The following RGS5 variants were observed in gnomAD, a reference collection of about 807,000 sequenced individuals.
The protein encoded by RGS5 is regulator of G protein signaling 5.
A neutral mutation model predicts 18.9 loss-of-function variants in RGS5; 20 were observed. The observed-to-expected ratio is 1.06, with a 90% CI of 0.74 to 1.54. RGS5 has a LOEUF of 1.54. Ranked by LOEUF, RGS5 falls within the 40% of genes most tolerant of loss-of-function variation. The pLI is 0.00. For synonymous variants in RGS5, 57 were observed against 76.2 expected, an observed-to-expected ratio of 0.75 and a Z score of 1.31; for missense variants, 201 against 211.8, an observed-to-expected ratio of 0.95 and a Z score of 0.32.
chr1:163,176,775 A>C (rs1345771460), intron 1 of RGS5, among the ~76,000 whole-genome samples: 1 of 152,272 alleles, frequency 6.6e-6, no homozygotes, highest in African/African-American at 2.4e-5. Context: ...ACGAAATAAA[A>C]AAGATAAGGT....
At chr1:163,298,450 G>T (rs1649476079) in intron 2 of RGS5, among the ~76,000 whole-genome samples, 1 of 152,144 alleles carries the variant, frequency 6.6e-6, no homozygotes, top group East Asian at 1.9e-4. Flanking sequence ...GATGATAGAA[G>T]TTTTTATAGC....
chr1:163,222,218 T>G (rs1259216968), upstream of RGS5, among the ~76,000 whole-genome samples: 4 of 151,808 alleles, frequency 2.6e-5, no homozygotes, highest in Non-Finnish European at 4.4e-5. Flanking sequence ...GGTGAGTGAG[T>G]ATTATTGCCT....
At position 163,147,358 on chromosome 1, in the gene RGS5, T is replaced by A; in HGVS notation, c.530A>T (p.Gln177Leu). Residue 177 changes from glutamine (Q) to leucine (L), a missense_variant, in exon 5 of 5, where the codon CAG (glutamine) becomes CTG (leucine). By Grantham distance (113) the Gln-to-Leu change is moderately radical (BLOSUM62 -2). Transcript: ENST00000313961. The stretch of plus-strand genomic sequence containing the variant: ...GCTAAATTACTACTTGATTAACTCC[T>A]GATAAAACTCAGAGCGCACAAAGCG... ...LPRFVRSEFY[Q>L]ELIK The A allele has an allele frequency of 3.1e-6, 5 of 1,600,524 alleles. No individual in the cohort carries two copies. The highest frequency in any genetic ancestry group is 4.3e-6 in the Non-Finnish European group (5 of 1,175,196).
At chr1:163,229,181 A>T (rs1378201741) in intron 2 of RGS5, among the ~76,000 whole-genome samples, 1 of 152,174 alleles carries the variant, frequency 6.6e-6, no homozygotes, top group Non-Finnish European at 1.5e-5. Flanking sequence ...GTAATATATA[A>T]AGGAAAGAGG....
chr1:163,310,574 CAAA>C (rs36115669), intron 1 of RGS5, among the ~76,000 whole-genome samples: 6 of 63,596 alleles, frequency 9.4e-5, no homozygotes, highest in African/African-American at 2.6e-4. Flanking sequence ...GACTCCGTCT[CAAA>C]AAAAAAAAAA....
intron 1 of RGS5, among the ~76,000 whole-genome samples, chr1:163,307,434 T>C (rs1488411783): frequency 6.6e-6 from 1 of 152,142 alleles, no homozygotes; most frequent in East Asian, 1.9e-4. Flanking sequence ...AAAGGAAATA[T>C]CAAATCATGT....
chr1:163,244,097 T>G (rs1407382974), intron 2 of RGS5, among the ~76,000 whole-genome samples: 1 of 152,226 alleles, frequency 6.6e-6, no homozygotes, highest in Non-Finnish European at 1.5e-5. Context: ...TTTCTACTAT[T>G]GCCTTTTTCA....
At chr1:163,202,199 C>G (rs1426155838) in intron 1 of RGS5, among the ~76,000 whole-genome samples, 1 of 152,134 alleles carries the variant, frequency 6.6e-6, no homozygotes, top group African/African-American at 2.4e-5. Flanking sequence ...GGGAAATTTC[C>G]TCTTCCTCAC....
intron 2 of RGS5, among the ~76,000 whole-genome samples, chr1:163,223,401 T>C (rs974255475): frequency 4.0e-5 from 6 of 151,620 alleles, no homozygotes; most frequent in South Asian, 2.1e-4. Flanking sequence ...CTGTTAAGGA[T>C]GCTGCTGCTC....
intron 1 of RGS5, among the ~76,000 whole-genome samples, chr1:163,208,125 T>A (rs2101667680): frequency 1.3e-5 from 2 of 151,776 alleles, no homozygotes; most frequent in African/African-American, 4.8e-5. Flanking sequence ...AGACCCCATC[T>A]CTACAAAAAC....
intron 4 of RGS5, among the ~76,000 whole-genome samples, chr1:163,151,645 A>C (rs906137239): frequency 2.0e-5 from 3 of 152,040 alleles, no homozygotes; most frequent in Non-Finnish European, 2.9e-5. Flanking sequence ...CCTTCACTCC[A>C]CTTTTATTCT....
intron 1 of RGS5, among the ~76,000 whole-genome samples, chr1:163,184,906 G>A: frequency 6.6e-6 from 1 of 152,284 alleles, no homozygotes; most frequent in Admixed American, 6.5e-5. Flanking sequence ...GACTAAGCTT[G>A]TGGCAACTGT....
At chr1:163,200,031 C>T (rs1053734299) in intron 1 of RGS5, among the ~76,000 whole-genome samples, 1 of 152,076 alleles carries the variant, frequency 6.6e-6, no homozygotes, top group East Asian at 1.9e-4. Context: ...TCTTAGTAGT[C>T]ATTGAGACTA....
chr1:163,194,967 G>C (rs1659505427), intron 1 of RGS5, among the ~76,000 whole-genome samples: 1 of 152,184 alleles, frequency 6.6e-6, no homozygotes, highest in East Asian at 1.9e-4. Context: ...TGGTAAAAAG[G>C]GAACACTTTT....
chr1:163,257,370 C>T (rs1400693573), intron 2 of RGS5, among the ~76,000 whole-genome samples: 7 of 151,932 alleles, frequency 4.6e-5, no homozygotes, highest in East Asian at 3.9e-4. Context: ...TAGTCAAAGA[C>T]GATTTTTAAG....
chr1:163,319,011 T>C (rs1364488974), intron 1 of RGS5: 3 of 152,172 alleles, frequency 2.0e-5, no homozygotes, highest in Non-Finnish European at 4.4e-5. Flanking sequence ...TGATGGGAAG[T>C]AGAGTGTAGG....
chr1:163,261,965 T>C (rs549767341), intron 2 of RGS5, among the ~76,000 whole-genome samples: 11 of 152,168 alleles, frequency 7.2e-5, no homozygotes, highest in Admixed American at 5.9e-4. Context: ...GTGTAACAAA[T>C]TGGCATCTAG....
chr1:163,299,099 G>A (rs1386010526), intron 2 of RGS5, among the ~76,000 whole-genome samples: 1 of 152,136 alleles, frequency 6.6e-6, no homozygotes, highest in Non-Finnish European at 1.5e-5. Context: ...CTGCAGAGAT[G>A]AGAAAAGGAG....
chr1:163,177,865 G>A (rs1480220644), intron 1 of RGS5, among the ~76,000 whole-genome samples: 1 of 152,220 alleles, frequency 6.6e-6, no homozygotes, highest in Admixed American at 6.5e-5. Flanking sequence ...AGGGAGTTGT[G>A]TTGTGACGTC....
Sources: allele counts gnomAD v4.1 joint callset (sites outside exome capture counted in the v4.1 genomes callset), GRCh38; gene constraint gnomAD v4.1.1; transcripts MANE v1.5; gene names NCBI Gene and HGNC (gene_info 2026-07-23, HGNC 2026-07-21).